The following CSMD1 variants were observed in gnomAD, a reference collection of about 807,000 sequenced individuals.
CSMD1 encodes the protein CUB and Sushi multiple domains 1.
A neutral mutation model predicts 417.5 loss-of-function variants in CSMD1; 213 were observed. The observed-to-expected ratio is 0.51, with a 90% confidence interval of 0.46 to 0.57. The LOEUF is 0.57. Among genes scored for constraint, CSMD1 ranks in the 20% least tolerant of loss-of-function variants. The probability of loss-of-function intolerance (pLI) is 0.00; values close to 1 mark genes in which losing one functional copy is unlikely to be tolerated. For synonymous variants in CSMD1, 2,862 were observed against 1,736.8 expected, an observed-to-expected ratio of 1.65 and a Z score of -16.11; for missense variants, 6,923 against 4,529.7, an observed-to-expected ratio of 1.53 and a Z score of -15.17.
chr8:4,105,129 C>A (rs921930755), intron 3 of CSMD1, among the ~76,000 whole-genome samples: 2 of 152,130 alleles, frequency 1.3e-5, no homozygotes, highest in Non-Finnish European at 2.9e-5. Context: ...ACATGTAATA[C>A]ACAATCACTA....
At chr8:4,578,338 T>C (rs112881785) in intron 2 of CSMD1, among the ~76,000 whole-genome samples, 41 of 126,368 alleles carry the variant, frequency 3.2e-4, no homozygotes, top group African/African-American at 1.6e-3. Flanking sequence ...GCTCATTTTT[T>C]TTTTTTTTTT....
chr8:3,950,392 A>G (rs1039262085), intron 5 of CSMD1, among the ~76,000 whole-genome samples: 1 of 152,212 alleles, frequency 6.6e-6, no homozygotes, highest in African/African-American at 2.4e-5. Context: ...GTACAGTTCC[A>G]ATCGGCCTAC....
chr8:3,057,791 G>C (rs890560498), intron 49 of CSMD1, among the ~76,000 whole-genome samples: 1 of 152,136 alleles, frequency 6.6e-6, no homozygotes, highest in South Asian at 2.1e-4. Context: ...TTGTGATTAT[G>C]TATTTTCAAT....
chr8:2,974,410 T>A, intron 56 of CSMD1, 41 bp downstream of exon 56: 1 of 1,461,048 alleles, frequency 6.8e-7, no homozygotes, highest in Non-Finnish European at 9.2e-7. Flanking sequence ...AAAAGTTATT[T>A]GAAATCTGTA....
chr8:3,514,543 T>C (rs1413510937), intron 10 of CSMD1, among the ~76,000 whole-genome samples: 1 of 152,214 alleles, frequency 6.6e-6, no homozygotes, highest in East Asian at 1.9e-4. Context: ...GTTTCACAAA[T>C]AAATAATATG....
chr8:4,471,509 G>T (rs999189947), intron 2 of CSMD1, among the ~76,000 whole-genome samples: 1 of 152,028 alleles, frequency 6.6e-6, no homozygotes, highest in Non-Finnish European at 1.5e-5. Flanking sequence ...GTGTCTGGGT[G>T]GTCACAGGAC....
At chr8:4,188,911 T>C (rs1798849802) in intron 3 of CSMD1, among the ~76,000 whole-genome samples, 1 of 152,108 alleles carries the variant, frequency 6.6e-6, no homozygotes, top group South Asian at 2.1e-4. Context: ...GGGGTTGGCA[T>C]AGCTGCTGGG....
intron 26 of CSMD1, among the ~76,000 whole-genome samples, chr8:3,265,366 T>C (rs1801359808): frequency 6.6e-6 from 1 of 152,156 alleles, no homozygotes; most frequent in African/African-American, 2.4e-5. Context: ...CAGCCAAGCG[T>C]GATAAAGATA....
At chr8:3,382,505 ATT>A (rs373547284) in intron 18 of CSMD1, among the ~76,000 whole-genome samples, 1 of 127,620 alleles carries the variant, frequency 7.8e-6, no homozygotes, top group African/African-American at 2.9e-5. Flanking sequence ...ATGTATATAA[ATT>A]TATATATATA....
At chr8:3,178,146 A>C (rs1821058962) in intron 37 of CSMD1, among the ~76,000 whole-genome samples, 1 of 152,124 alleles carries the variant, frequency 6.6e-6, no homozygotes, top group Non-Finnish European at 1.5e-5. Context: ...TATACATTAA[A>C]CCAGACTTTC....
At chr8:4,960,245 G>A (rs1036210640) in intron 1 of CSMD1, among the ~76,000 whole-genome samples, 6 of 152,232 alleles carry the variant, frequency 3.9e-5, no homozygotes, top group African/African-American at 1.4e-4. Flanking sequence ...ATAATATCTT[G>A]AAGGAAATGG....
At chr8:3,966,836 G>T (rs1374842916) in intron 5 of CSMD1, among the ~76,000 whole-genome samples, 1 of 152,102 alleles carries the variant, frequency 6.6e-6, no homozygotes, top group Admixed American at 6.5e-5. Flanking sequence ...AATCAATTCT[G>T]TACAGACACT....
intron 6 of CSMD1, among the ~76,000 whole-genome samples, chr8:3,715,969 G>T (rs923115765): frequency 6.6e-6 from 1 of 152,170 alleles, no homozygotes; most frequent in South Asian, 2.1e-4. Flanking sequence ...CAGATGAACG[G>T]TTCTCTTTGC....
At chr8:3,794,593 T>C (rs1349149590) in intron 5 of CSMD1, among the ~76,000 whole-genome samples, 2 of 146,546 alleles carry the variant, frequency 1.4e-5, no homozygotes, top group African/African-American at 2.5e-5. Flanking sequence ...TATTTTTCCA[T>C]TTTTTTCTCG....
At chr8:4,032,171 CA>C in intron 3 of CSMD1, 72 bp from the exon 4 acceptor site, 1 of 1,080,468 alleles carries the variant, frequency 9.3e-7, no homozygotes, top group South Asian at 1.6e-5. Flanking sequence ...TAAGATAAAA[CA>C]GACACCATTT....
chr8:4,009,853 G>A (rs1015813430), intron 4 of CSMD1, among the ~76,000 whole-genome samples: 1 of 151,894 alleles, frequency 6.6e-6, no homozygotes, highest in South Asian at 2.1e-4. Flanking sequence ...CATGCCTGAG[G>A]CCATTAAGAG....
chr8:4,773,374 G>C (rs943319436), intron 1 of CSMD1, among the ~76,000 whole-genome samples: 4 of 152,086 alleles, frequency 2.6e-5, no homozygotes, highest in African/African-American at 9.7e-5. Flanking sequence ...AGCAGAAACT[G>C]ACCAGAAAAT....
chr8:3,754,080 A>C, intron 5 of CSMD1, 38 bp from the exon 6 acceptor site: 1 of 1,396,686 alleles, frequency 7.2e-7, no homozygotes. Context: ...TCCCTTGTAA[A>C]CCAACAGAGC....
intron 1 of CSMD1, among the ~76,000 whole-genome samples, chr8:4,790,196 C>T (rs374218390): frequency 5.3e-5 from 8 of 152,188 alleles, no homozygotes; most frequent in African/African-American, 1.9e-4. Context: ...CACATCCAAG[C>T]TGAGAGCCAA....
Sources: gnomAD v4.1 joint callset for allele counts (sites outside exome capture counted in the v4.1 genomes callset) on GRCh38, gnomAD v4.1.1 for gene constraint, MANE v1.5 for transcripts, NCBI Gene and HGNC (gene_info 2026-07-23, HGNC 2026-07-21) for gene names.